FSD1L: variants seen among roughly 807,000 people sequenced by gnomAD.
The protein encoded by FSD1L is FSD1-like protein.
FSD1L carries 45 observed loss-of-function variants against 71.6 expected under a neutral mutation model. That is an observed-to-expected ratio of 0.63 (90% CI 0.49 to 0.81). The LOEUF (loss-of-function observed/expected upper bound fraction) is 0.81, where lower values mean the gene tolerates loss of function less well. Ranked by LOEUF, FSD1L falls within the 30% of genes least tolerant of loss-of-function variation. The probability of loss-of-function intolerance (pLI) is 0.00; values close to 1 mark genes in which losing one functional copy is unlikely to be tolerated. For synonymous variants in FSD1L, 197 were observed against 207.2 expected, an observed-to-expected ratio of 0.95 and a Z score of 0.42; for missense variants, 561 against 618.1, an observed-to-expected ratio of 0.91 and a Z score of 0.98.
intron 7 of FSD1L, among the ~76,000 whole-genome samples, chr9:105,496,789 T>C (rs1258242773): frequency 6.6e-6 from 1 of 152,254 alleles, no homozygotes; most frequent in East Asian, 1.9e-4. Flanking sequence ...TTCTTTTGGA[T>C]TTTCTACCTA....
intron 7 of FSD1L, among the ~76,000 whole-genome samples, chr9:105,485,199 GAA>G (rs1217514423): frequency 6.6e-6 from 1 of 152,186 alleles, no homozygotes; most frequent in African/African-American, 2.4e-5. Context: ...TTTATATAAA[GAA>G]AAGAGGTTCT....
intron 7 of FSD1L, among the ~76,000 whole-genome samples, chr9:105,488,433 C>G (rs1304748213): frequency 1.3e-5 from 2 of 152,128 alleles, no homozygotes; most frequent in South Asian, 2.1e-4. Context: ...CACTGAAACA[C>G]ATGTTGATTA....
intron 2 of FSD1L, among the ~76,000 whole-genome samples, chr9:105,462,067 A>G (rs941718381): frequency 6.6e-6 from 1 of 152,168 alleles, no homozygotes; most frequent in Non-Finnish European, 1.5e-5. Context: ...TCTGAAATGC[A>G]AAGCTTGCTA....
In FSD1L at chr9:105,545,265, A is replaced by G. The variant is rs866194741; in HGVS notation, c.1468-1093A>G. 1.1e-4 allele frequency among the ~76,000 whole-genome samples: 15 copies of G among 138,674 alleles called. 1 individual carries two copies. Among genetic ancestry groups the G allele is most frequent in the African/African-American group, 3.2e-4 (11 of 34,176 alleles). 91.0% of individuals were successfully genotyped at this position (138,674 alleles called of 152,430 possible). A position where few individuals can be genotyped will look rare whatever the true frequency, so the allele number is the denominator to read the frequency against. ...ATAGGAATGCTTGTGATTTTTGCAC[A>G]TTGATTTTGTATCCTGAGACTTTGC... is the stretch of plus-strand genomic sequence containing the variant. On this transcript the variant is annotated intron_variant, in intron 13 of 13. Transcript: ENST00000481272.
At chr9:105,481,554 G>A (rs1480540639) in intron 6 of FSD1L, among the ~76,000 whole-genome samples, 3 of 151,948 alleles carry the variant, frequency 2.0e-5, no homozygotes, top group Non-Finnish European at 2.9e-5. Context: ...GCCTCCCAAA[G>A]TGCTGGGATT....
At chr9:105,503,594 C>A (rs1421994592) in intron 7 of FSD1L, among the ~76,000 whole-genome samples, 1 of 152,200 alleles carries the variant, frequency 6.6e-6, no homozygotes, top group East Asian at 1.9e-4. Context: ...AATTTCTACA[C>A]TATTGCTAGT....
At position 105,448,229 on chromosome 9, in the gene FSD1L, C is replaced by T. The variant is rs1322852291; in HGVS notation, c.9C>T (p.Ser3=). ...GGGCTTAGCCACTCGCCATGGACTC[C>T]CAGAAAGTAAGCGGGGGAGGGGAGC... MD[S]QKYCFKENEN... The change falls in exon 1 of 14, where the codon TCC becomes TCT. Residue 3 remains serine, a synonymous_variant. Coordinates refer to ENST00000481272, the MANE Select transcript of FSD1L (RefSeq NM_001145313.3). The T allele has an allele frequency of 6.5e-7, 1 of 1,538,464 alleles. No individual in the cohort carries two copies.
At chr9:105,535,647 A>G (rs1372808164) in intron 12 of FSD1L, among the ~76,000 whole-genome samples, 2 of 152,152 alleles carry the variant, frequency 1.3e-5, no homozygotes, top group East Asian at 3.9e-4. Flanking sequence ...GTGATAGTCA[A>G]AATTTTCTAG....
chr9:105,520,325 A>G, intron 10 of FSD1L: 7 of 1,383,004 alleles, frequency 5.1e-6, no homozygotes, highest in Non-Finnish European at 7.0e-6. Flanking sequence ...CCTGATGCGT[A>G]TTTGTTTTGG....
At chr9:105,442,901 T>C (rs544272197), upstream of FSD1L, among the ~76,000 whole-genome samples, 5 of 152,322 alleles carry the variant, frequency 3.3e-5, no homozygotes, top group South Asian at 1.0e-3. Context: ...CTTCCACCAA[T>C]TGGGTCTAAT....
At chr9:105,481,119 G>A (rs1377777758) in intron 6 of FSD1L, among the ~76,000 whole-genome samples, 2 of 138,574 alleles carry the variant, frequency 1.4e-5, no homozygotes, top group Non-Finnish European at 3.1e-5. Context: ...GGTGATCTCA[G>A]GAATTAGGGT....
At position 105,534,661 on chromosome 9, in the gene FSD1L, T is replaced by C. The variant is rs913118983; in HGVS notation, c.1126+68T>C. On this transcript the variant is annotated intron_variant, in intron 11 of 13. Coordinates refer to ENST00000481272, the MANE Select transcript of FSD1L (RefSeq NM_001145313.3). ...GCATCACAATCACACTGGTGGACTT[T>C]CCACTCAAAGTGACTGCCTGTATAT... 25 of 905,284 alleles carry C rather than the reference T, an allele frequency of 2.8e-5. No individual in the cohort carries two copies. In the Admixed American group the frequency reaches 2.8e-4, roughly 10 times the overall value. The allele number at this position is 905,284 out of a possible 1,614,324, so 56.1% of individuals were successfully genotyped here. A position where few individuals can be genotyped will look rare whatever the true frequency, so the allele number is the denominator to read the frequency against.
chr9:105,493,860 C>T (rs1031166371), intron 7 of FSD1L, among the ~76,000 whole-genome samples: 17 of 152,056 alleles, frequency 1.1e-4, no homozygotes, highest in African/African-American at 3.1e-4. Flanking sequence ...GAGTTTCTGC[C>T]GAGAGATCCG....
intron 7 of FSD1L, among the ~76,000 whole-genome samples, chr9:105,489,648 C>T (rs952019313): frequency 5.9e-5 from 9 of 152,230 alleles, no homozygotes; most frequent in Admixed American, 3.3e-4. Flanking sequence ...AAAGCTATCC[C>T]TCCCCACTCC....
intron 10 of FSD1L, among the ~76,000 whole-genome samples, chr9:105,531,922 C>T (rs1835918980): frequency 6.6e-6 from 1 of 152,166 alleles, no homozygotes; most frequent in African/African-American, 2.4e-5. Context: ...TTTAATGTTG[C>T]ATCTAAAACA....
chr9:105,535,994 C>T (rs1294859102), intron 12 of FSD1L, among the ~76,000 whole-genome samples: 3 of 152,164 alleles, frequency 2.0e-5, no homozygotes, highest in African/African-American at 7.2e-5. Context: ...GGGGTTTCCC[C>T]TCAATATCAG....
At chr9:105,538,798 G>A (rs1282035921) in intron 12 of FSD1L, among the ~76,000 whole-genome samples, 1 of 152,062 alleles carries the variant, frequency 6.6e-6, no homozygotes, top group Non-Finnish European at 1.5e-5. Flanking sequence ...AATTGAAGCA[G>A]TGATAGATAT....
chr9:105,445,441 G>A (rs1370462969), upstream of FSD1L, among the ~76,000 whole-genome samples: 1 of 152,078 alleles, frequency 6.6e-6, no homozygotes, highest in Non-Finnish European at 1.5e-5. Context: ...AGAGTCTGGT[G>A]ATCACATTTC....
At chr9:105,528,823 C>T (rs960299285) in intron 10 of FSD1L, among the ~76,000 whole-genome samples, 4 of 152,164 alleles carry the variant, frequency 2.6e-5, no homozygotes, top group Admixed American at 6.5e-5. Flanking sequence ...GCAAAAGAAA[C>T]TGTCATCAGA....
Sources: allele counts gnomAD v4.1 joint callset (sites outside exome capture counted in the v4.1 genomes callset), GRCh38; gene constraint gnomAD v4.1.1; transcripts MANE v1.5; gene names NCBI Gene and HGNC (gene_info 2026-07-23, HGNC 2026-07-21).